Variants in FOXP2 observed in about 807,000 individuals in gnomAD.
FOXP2 encodes forkhead box P2.
In FOXP2, 12 loss-of-function variants were observed where a neutral mutation model predicts 115.8. The ratio of observed to expected loss-of-function variants is 0.10; its 90% CI spans 0.07 to 0.17. The LOEUF (loss-of-function observed/expected upper bound fraction) is 0.17. Ranked by LOEUF, FOXP2 falls within the 10% of genes least tolerant of loss-of-function variation. The probability of loss-of-function intolerance (pLI) is 1.00; values close to 1 mark genes in which losing one functional copy is unlikely to be tolerated. For synonymous variants in FOXP2, 328 were observed against 297.7 expected (o/e 1.10, Z -1.05); for missense variants, 629 against 843.5 (o/e 0.75, Z 3.15).
chr7:114,382,207 G>T (rs949873425), intron 2 of FOXP2, among the ~76,000 whole-genome samples: 1 of 152,154 alleles, frequency 6.6e-6, no homozygotes, highest in African/African-American at 2.4e-5. Context: ...TCCAGGACAG[G>T]AAAGTAAGAC....
At chr7:114,502,889 C>T (rs1202679333) in intron 2 of FOXP2, among the ~76,000 whole-genome samples, 1 of 151,932 alleles carries the variant, frequency 6.6e-6, no homozygotes, top group African/African-American at 2.4e-5. Context: ...TTATTAGCAC[C>T]TGAGTCTAGG....
rs144600132 is a variant in FOXP2, at chr7:114,567,961, GA to G, written c.258+33258del. Among the ~76,000 whole-genome samples, 77 of 152,204 alleles carry G rather than the reference GA, an allele frequency of 5.1e-4. 1 individual carries two copies. The East Asian group carries it at 0.012, about 24-fold the overall frequency. On this transcript the variant is annotated intron_variant, in intron 3 of 16. Coordinates refer to ENST00000350908, the MANE Select transcript of FOXP2 (RefSeq NM_014491.4). Reference sequence around the variant, plus strand: ...TTATTCTCACATACTTTCAGTTGCAGAAACTATTGAGAGTTACTTAAAAGCA... The same window carrying G: ...TTATTCTCACATACTTTCAGTTGCAGAACTATTGAGAGTTACTTAAAAGCA...
chr7:114,459,335 C>T (rs528482612), intron 2 of FOXP2, among the ~76,000 whole-genome samples: 3 of 152,182 alleles, frequency 2.0e-5, no homozygotes, highest in Admixed American at 2.0e-4. Context: ...CCATGGTATC[C>T]TTTATGTATT....
At chr7:114,408,776 G>T (rs904008718) in intron 2 of FOXP2, among the ~76,000 whole-genome samples, 3 of 151,892 alleles carry the variant, frequency 2.0e-5, no homozygotes, top group African/African-American at 4.8e-5. Context: ...CAATGAATGT[G>T]TGCCTTATCT....
chr7:114,659,479 T>C lies in FOXP2; in HGVS notation c.1545+47T>C, dbSNP rs1806761322. 5 of 1,590,096 alleles carry C rather than the reference T, an allele frequency of 3.1e-6. No homozygotes were observed. In the East Asian group the frequency reaches 1.1e-4, roughly 36 times the overall value. On this transcript the variant is annotated intron_variant, in intron 12 of 16. Transcript: ENST00000350908. ...TTTGCCTGATTAAATTAAAATTCAT[T>C]AATGCTTAAAGTAAGGCTTGGATGA... is the stretch of plus-strand genomic sequence containing the variant.
At chr7:114,176,179 TTCTTGTCTTGTCTTGTCTTGTCTTG>T (rs67055887) in intron 1 of FOXP2, among the ~76,000 whole-genome samples, 2,878 of 145,146 alleles carry the variant, frequency 0.02, 125 homozygotes, top group African/African-American at 0.069. Context: ...GATTTCTCTT[TTCTTGTCTTGTCTTGTCTTGTCTTG>T]TCTTGTCTTG....
rs1794018042 is a variant in FOXP2, at chr7:114,199,933, C to G, written c.-102+36845C>G. On this transcript the variant is annotated intron_variant, in intron 1 of 17. Coordinates refer to the FOXP2 transcript ENST00000634411. ...ATGCTATCATCTTCTCTTGGTAAAA[C>G]TTTTTATATCAAATAAAGATTTTTA... Among the ~76,000 whole-genome samples the G allele has an allele frequency of 2.0e-5, 3 of 152,134 alleles. No individual in the cohort carries two copies. The South Asian group carries it at 6.2e-4, about 31-fold the overall frequency.
chr7:114,189,758 C>T (rs1368722779), intron 1 of FOXP2, among the ~76,000 whole-genome samples: 1 of 152,056 alleles, frequency 6.6e-6, no homozygotes, highest in Admixed American at 6.6e-5. Context: ...ACTTGATTAC[C>T]ATATTCCTTT....
At chr7:114,662,273 G>A in intron 14 of FOXP2, 87 bp downstream of exon 14, 1 of 1,566,296 alleles carries the variant, frequency 6.4e-7, no homozygotes, top group Non-Finnish European at 8.8e-7. Context: ...TGGGGAGACA[G>A]TTAGCTTAAT....
chr7:114,318,576 A>G (rs1431101780), intron 2 of FOXP2, among the ~76,000 whole-genome samples: 1 of 151,910 alleles, frequency 6.6e-6, no homozygotes, highest in African/African-American at 2.4e-5. Context: ...ATTTCTAATA[A>G]ATGAATTTAA....
chr7:114,658,773 A>G (rs1232287432), intron 11 of FOXP2, among the ~76,000 whole-genome samples: 3 of 152,172 alleles, frequency 2.0e-5, no homozygotes, highest in South Asian at 2.1e-4. Context: ...TTGCATTTGC[A>G]TGGAACACAA....
chr7:114,341,652 C>A (rs2129184388), intron 2 of FOXP2, among the ~76,000 whole-genome samples: 1 of 151,372 alleles, frequency 6.6e-6, no homozygotes, highest in African/African-American at 2.4e-5. Flanking sequence ...ATTTTCATTT[C>A]TCTATTTCTT....
intron 3 of FOXP2, among the ~76,000 whole-genome samples, chr7:114,581,222 C>T (rs998383856): frequency 2.6e-5 from 4 of 151,580 alleles, no homozygotes; most frequent in Admixed American, 6.6e-5. Flanking sequence ...CTGGCTCTGT[C>T]ACCCAGGCTG....
At chr7:114,109,023 G>C (rs941021595) in intron 1 of FOXP2, among the ~76,000 whole-genome samples, 12 of 151,748 alleles carry the variant, frequency 7.9e-5, no homozygotes, top group Non-Finnish European at 1.6e-4. Flanking sequence ...TTAATATTTT[G>C]GTGATTTTTT....
chr7:114,112,071 C>T (rs1295883250), intron 1 of FOXP2, among the ~76,000 whole-genome samples: 1 of 152,002 alleles, frequency 6.6e-6, no homozygotes, highest in Non-Finnish European at 1.5e-5. Flanking sequence ...GCCTGTAAGA[C>T]TTTATGGGCG....
intron 2 of FOXP2, among the ~76,000 whole-genome samples, chr7:114,525,640 A>G (rs910907452): frequency 6.6e-6 from 1 of 152,060 alleles, no homozygotes; most frequent in African/African-American, 2.4e-5. Flanking sequence ...TATTTTCTGA[A>G]TTAGTTGAGA....
At chr7:114,208,444 C>T (rs1794255984) in intron 1 of FOXP2, among the ~76,000 whole-genome samples, 2 of 152,250 alleles carry the variant, frequency 1.3e-5, no homozygotes, top group South Asian at 4.2e-4. Context: ...AGGGACTTGC[C>T]TTGTCTCACA....
chr7:114,168,506 T>A (rs1793043592), intron 1 of FOXP2, among the ~76,000 whole-genome samples: 1 of 152,108 alleles, frequency 6.6e-6, no homozygotes, highest in Non-Finnish European at 1.5e-5. Flanking sequence ...ATTTAAGATA[T>A]CTAGCAGAAG....
At chr7:114,335,893 G>T (rs933736710) in intron 2 of FOXP2, among the ~76,000 whole-genome samples, 31 of 151,702 alleles carry the variant, frequency 2.0e-4, no homozygotes, top group African/African-American at 7.0e-4. Context: ...AAAAAAAAAT[G>T]ATCAAAATGT....
Sources: allele counts gnomAD v4.1 joint callset (sites outside exome capture counted in the v4.1 genomes callset), GRCh38; gene constraint gnomAD v4.1.1; transcripts MANE v1.5; gene names NCBI Gene and HGNC (gene_info 2026-07-23, HGNC 2026-07-21).